Variants in CCDC73 observed in about 807,000 individuals in gnomAD.
CCDC73 encodes the protein coiled-coil domain-containing protein 73.
CCDC73 carries 95 observed loss-of-function variants against 116.5 expected under a neutral mutation model. The observed-to-expected ratio is 0.82, with a 90% CI of 0.69 to 0.97. The LOEUF (loss-of-function observed/expected upper bound fraction) is 0.97, where lower values mean the gene tolerates loss of function less well. Ranked by LOEUF, CCDC73 falls within the 50% of genes least tolerant of loss-of-function variation. CCDC73 has a pLI of 0.00. For missense variants in CCDC73, 1,066 were observed against 1,206.8 expected (o/e 0.88, Z 1.73); for synonymous variants, 398 against 401.3 (o/e 0.99, Z 0.10).
intron 14 of CCDC73, among the ~76,000 whole-genome samples, chr11:32,634,201 A>G (rs1023433967): frequency 8.5e-5 from 13 of 152,194 alleles, no homozygotes; most frequent in Non-Finnish European, 2.9e-5. Flanking sequence ...CGCAAAAACC[A>G]GTTCAAATAT....
chr11:32,695,194 C>A (rs761997925), intron 6 of CCDC73, among the ~76,000 whole-genome samples: 4 of 152,100 alleles, frequency 2.6e-5, no homozygotes, highest in African/African-American at 9.7e-5. Flanking sequence ...CGTGGCAAAA[C>A]CCCGTCTCTC....
At chr11:32,781,931 C>T (rs1320016990) in intron 1 of CCDC73, among the ~76,000 whole-genome samples, 7 of 152,134 alleles carry the variant, frequency 4.6e-5, no homozygotes, top group African/African-American at 7.2e-5. Flanking sequence ...AGCGATGGCA[C>T]GAGAGCAAGT....
At chr11:32,691,579 GA>G (rs1856258917) in intron 6 of CCDC73, among the ~76,000 whole-genome samples, 1 of 152,084 alleles carries the variant, frequency 6.6e-6, no homozygotes, top group African/African-American at 2.4e-5. Flanking sequence ...TCAGTTTTAA[GA>G]GGTCTTTGTT....
intron 1 of CCDC73, among the ~76,000 whole-genome samples, chr11:32,784,244 C>T (rs546207521): frequency 1.3e-5 from 2 of 151,960 alleles, no homozygotes; most frequent in South Asian, 4.2e-4. Flanking sequence ...GCAGGAGAAT[C>T]GCTTGAACCT....
chr11:32,706,527 G>C (rs150392084), intron 3 of CCDC73, among the ~76,000 whole-genome samples: 1 of 152,182 alleles, frequency 6.6e-6, no homozygotes, highest in African/African-American at 2.4e-5. Flanking sequence ...TACGCAGAAA[G>C]TACATTAGAA....
At position 32,705,600 on chromosome 11, in the gene CCDC73, G is replaced by A. The variant is rs77291374; in HGVS notation, c.208-2656C>T. On this transcript the variant is annotated intron_variant, in intron 3 of 17. Coordinates refer to ENST00000335185, the MANE Select transcript of CCDC73 (RefSeq NM_001008391.4). ...CATGGGATCTGGGCCAGTATCGCAA[G>A]CCGAGTGCAGCCCGCCAGGTCAAGT... Among the ~76,000 whole-genome samples the A allele has an allele frequency of 5.2e-3, 787 of 152,284 alleles. 8 individuals carry two copies. The highest frequency in any genetic ancestry group is 0.018 in the African/African-American group (756 of 41,564).
chr11:32,615,994 T>A lies in CCDC73; in HGVS notation c.1321A>T (p.Arg441Ter). ...MENFCSDTEY[R>*]EKEEKKEGSF... ...CCTTCTTTTTTTTCTTCTTTTTCTC[T>A]GTATTCAGTATCTGAACAAAAATTC... The change falls in exon 15 of 18, where the codon AGA (arginine) becomes TGA (stop). Residue 441 changes from arginine (R) to a stop codon, truncating the protein, a stop_gained. Coordinates refer to ENST00000335185, the MANE Select transcript of CCDC73 (RefSeq NM_001008391.4). LOFTEE classifies it high-confidence loss of function. The A allele has an allele frequency of 6.3e-7, 1 of 1,597,156 alleles. No individual in the cohort carries two copies. The highest frequency in any genetic ancestry group is 8.5e-7 in the Non-Finnish European group (1 of 1,169,852).
chr11:32,736,060 GA>G (rs1191120756), intron 2 of CCDC73, among the ~76,000 whole-genome samples: 2 of 151,948 alleles, frequency 1.3e-5, no homozygotes, highest in African/African-American at 4.8e-5. Context: ...AAAAACCCTA[GA>G]AAAAAACCTA....
intron 13 of CCDC73, among the ~76,000 whole-genome samples, chr11:32,640,971 C>T (rs11031913): frequency 0.43 from 65,683 of 151,252 alleles, 14,673 homozygotes; most frequent in African/African-American, 0.49. Flanking sequence ...AGCAGAGATC[C>T]GTCCACGGCA....
the CCDC73 span, among the ~76,000 whole-genome samples, chr11:32,829,628 A>G: frequency 6.6e-6 from 1 of 152,244 alleles, no homozygotes; most frequent in Admixed American, 6.5e-5. Flanking sequence ...AAAGCCCTGG[A>G]CGCGCCGAGG....
chr11:32,603,814 C>G (rs555789452), intron 17 of CCDC73: 2 of 152,252 alleles, frequency 1.3e-5, no homozygotes, highest in Admixed American at 6.5e-5. Context: ...GTGACTCATA[C>G]CTGTAATCCC....
chr11:32,757,323 T>C (rs1565094828), intron 2 of CCDC73, among the ~76,000 whole-genome samples: 1 of 152,096 alleles, frequency 6.6e-6, no homozygotes. Flanking sequence ...ATAAATTTTA[T>C]ATTGAAAGAA....
At chr11:32,827,239 C>G in the CCDC73 span, among the ~76,000 whole-genome samples, 2 of 152,116 alleles carry the variant, frequency 1.3e-5, no homozygotes, top group African/African-American at 4.8e-5. Flanking sequence ...AAGAAATCAG[C>G]TCTCTTGGGC....
At chr11:32,730,931 G>A (rs1173935235) in intron 2 of CCDC73, among the ~76,000 whole-genome samples, 1 of 152,152 alleles carries the variant, frequency 6.6e-6, no homozygotes, top group African/African-American at 2.4e-5. Flanking sequence ...TAAGTGCAGG[G>A]CAGTGGGTGC....
intron 2 of CCDC73, among the ~76,000 whole-genome samples, chr11:32,742,230 C>T (rs1182968071): frequency 4.6e-5 from 7 of 152,190 alleles, no homozygotes; most frequent in Non-Finnish European, 1.0e-4. Flanking sequence ...TGAGGAATCG[C>T]CACACTGTCT....
chr11:32,699,183 A>C, intron 6 of CCDC73, 68 bp downstream of exon 6: 1 of 1,454,162 alleles, frequency 6.9e-7, no homozygotes, highest in Non-Finnish European at 9.1e-7. Context: ...TTACATATCT[A>C]AAGGCATTTT....
intron 2 of CCDC73, among the ~76,000 whole-genome samples, chr11:32,748,513 C>T (rs1029055831): frequency 1.3e-5 from 2 of 152,106 alleles, no homozygotes; most frequent in African/African-American, 4.8e-5. Flanking sequence ...CTGTCTATGT[C>T]TTGAAAAGCT....
chr11:32,770,242 T>A (rs1048217064), intron 1 of CCDC73, among the ~76,000 whole-genome samples: 1 of 152,034 alleles, frequency 6.6e-6, no homozygotes, highest in African/African-American at 2.4e-5. Context: ...CTCTGGGGAG[T>A]ATTTTTAAGA....
chr11:32,646,823 C>T (rs1163841092), intron 12 of CCDC73, among the ~76,000 whole-genome samples: 2 of 152,098 alleles, frequency 1.3e-5, no homozygotes, highest in Non-Finnish European at 2.9e-5. Flanking sequence ...AACTGACCCC[C>T]CAATTTCCTT....
Sources: allele counts gnomAD v4.1 joint callset (sites outside exome capture counted in the v4.1 genomes callset), GRCh38; gene constraint gnomAD v4.1.1; transcripts MANE v1.5; gene names NCBI Gene and HGNC (gene_info 2026-07-23, HGNC 2026-07-21).